Variants in PHF24 observed in about 807,000 individuals in gnomAD.
PHF24 encodes PHD finger protein 24, also known as Galpha inhibitory interacting protein.
A neutral mutation model predicts 42.6 loss-of-function variants in PHF24; 25 were observed. That is an observed-to-expected ratio of 0.59 (90% CI 0.43 to 0.82). PHF24 has a LOEUF of 0.82. PHF24 is among the 40% of genes least tolerant of loss of function. PHF24 has a pLI of 0.00. For missense variants in PHF24, 470 were observed against 538.1 expected, an observed-to-expected ratio of 0.87 and a Z score of 1.25; for synonymous variants, 185 against 204.8, an observed-to-expected ratio of 0.90 and a Z score of 0.83.
At chr9:34,713,436 G>T in the PHF24 span, among the ~76,000 whole-genome samples, 2 of 152,076 alleles carry the variant, frequency 1.3e-5, no homozygotes, top group Non-Finnish European at 2.9e-5. Flanking sequence ...TGTGTTGGTT[G>T]GTAGCTAGTG....
chr9:34,675,437 C>T, the PHF24 span, among the ~76,000 whole-genome samples: 5 of 152,170 alleles, frequency 3.3e-5, no homozygotes, highest in Admixed American at 3.3e-4. Context: ...AGTCCCTGAT[C>T]CTGGGAAGGG....
chr9:34,728,117 G>C, the PHF24 span: 2 of 1,542,838 alleles, frequency 1.3e-6, no homozygotes, highest in Non-Finnish European at 1.8e-6. Flanking sequence ...TATGGCATGG[G>C]ATAATTTCAT....
chr9:34,755,388 C>T, the PHF24 span, among the ~76,000 whole-genome samples: 1 of 152,072 alleles, frequency 6.6e-6, no homozygotes, highest in Non-Finnish European at 1.5e-5. Flanking sequence ...TCTGCATCCT[C>T]ATCAGCATTA....
At chr9:34,916,488 G>A in the PHF24 span, among the ~76,000 whole-genome samples, 1 of 152,234 alleles carries the variant, frequency 6.6e-6, no homozygotes, top group East Asian at 1.9e-4. Flanking sequence ...GAGGAATGTA[G>A]TGAAGACAAT....
At chr9:34,722,666 C>T in the PHF24 span, among the ~76,000 whole-genome samples, 1 of 152,138 alleles carries the variant, frequency 6.6e-6, no homozygotes, top group African/African-American at 2.4e-5. Flanking sequence ...TTATGGGTTC[C>T]TCCTCACCAG....
the PHF24 span, among the ~76,000 whole-genome samples, chr9:34,815,303 C>G: frequency 7.1e-6 from 1 of 141,400 alleles, no homozygotes; most frequent in East Asian, 2.0e-4. Flanking sequence ...ACTTTGTTTT[C>G]CTTTAAGAAT....
the PHF24 span, among the ~76,000 whole-genome samples, chr9:34,700,225 G>A: frequency 6.6e-6 from 1 of 152,142 alleles, no homozygotes. Flanking sequence ...GTGAGATGGG[G>A]AGCTATTGGA....
chr9:34,929,629 A>C, the PHF24 span, among the ~76,000 whole-genome samples: 1 of 152,224 alleles, frequency 6.6e-6, no homozygotes, highest in Non-Finnish European at 1.5e-5. Context: ...TCAGATTTGC[A>C]GGTAATCAAA....
the PHF24 span, chr9:34,833,958 G>C: frequency 5.8e-6 from 9 of 1,544,618 alleles, no homozygotes; most frequent in Non-Finnish European, 7.9e-6. Flanking sequence ...AGGAAGGCCA[G>C]ATGCTTGTGC....
chr9:34,950,434 G>A, the PHF24 span, among the ~76,000 whole-genome samples: 1 of 151,240 alleles, frequency 6.6e-6, no homozygotes, highest in Admixed American at 6.6e-5. Flanking sequence ...TAATGACAGA[G>A]AAATAGCTGT....
chr9:34,940,921 A>G, the PHF24 span, among the ~76,000 whole-genome samples: 1 of 152,180 alleles, frequency 6.6e-6, no homozygotes, highest in African/African-American at 2.4e-5. Flanking sequence ...TCCTAAACAC[A>G]AGGAGCCTGA....
chr9:34,795,236 C>T, the PHF24 span, among the ~76,000 whole-genome samples: 1 of 150,756 alleles, frequency 6.6e-6, no homozygotes. Flanking sequence ...AGAGCAAGAC[C>T]CTGTCTTTAA....
chr9:34,693,593 C>CT, the PHF24 span, among the ~76,000 whole-genome samples: 1 of 152,090 alleles, frequency 6.6e-6, no homozygotes, highest in Non-Finnish European at 1.5e-5. Flanking sequence ...CTGATATGTG[C>CT]TAAAGTTTGA....
the PHF24 span, among the ~76,000 whole-genome samples, chr9:34,694,032 A>G: frequency 1.3e-5 from 2 of 151,848 alleles, no homozygotes; most frequent in Non-Finnish European, 2.9e-5. Context: ...CTACTCAGCT[A>G]CTCAGGAGGC....
At chr9:34,839,339 A>T in the PHF24 span, among the ~76,000 whole-genome samples, 2 of 151,936 alleles carry the variant, frequency 1.3e-5, no homozygotes, top group Non-Finnish European at 2.9e-5. Context: ...TCATCTCTGG[A>T]TGTATTCTGT....
chr9:34,976,322 A>AGAGGGTAGAGTGTTTAGTGGGTAGAGTG, intron 4 of PHF24, 92 bp downstream of exon 4: 1 of 1,177,340 alleles, frequency 8.5e-7, no homozygotes. Context: ...AGTGTTCCAT[A>AGAGGGTAGAGTGTTTAGTGGGTAGAGTG]TTTAGTGGGT....
At chr9:34,897,737 C>A in the PHF24 span, among the ~76,000 whole-genome samples, 1 of 152,102 alleles carries the variant, frequency 6.6e-6, no homozygotes, top group Non-Finnish European at 1.5e-5. Context: ...TGAGTAAGTT[C>A]TTTAGTGGTG....
chr9:34,838,902 T>C, the PHF24 span, among the ~76,000 whole-genome samples: 2 of 152,182 alleles, frequency 1.3e-5, no homozygotes, highest in African/African-American at 4.8e-5. Context: ...CCACTAACTC[T>C]CCCACTAGTT....
intron 7 of PHF24, 105 bp downstream of exon 7, chr9:34,977,746 C>A (rs941223309): frequency 2.0e-6 from 2 of 1,025,634 alleles, no homozygotes; most frequent in Admixed American, 4.5e-5. Context: ...AGCAAGCGCC[C>A]ACCCAAGAAA....
Sources: allele counts gnomAD v4.1 joint callset (sites outside exome capture counted in the v4.1 genomes callset), GRCh38; gene constraint gnomAD v4.1.1; transcripts MANE v1.5; gene names NCBI Gene and HGNC (gene_info 2026-07-23, HGNC 2026-07-21).